The following LRRC7 variants were observed in gnomAD, a reference collection of about 807,000 sequenced individuals.
LRRC7 encodes the protein leucine-rich repeat-containing protein 7.
A neutral mutation model predicts 175.7 loss-of-function variants in LRRC7; 23 were observed. That is an observed-to-expected ratio of 0.13 (90% confidence interval 0.09 to 0.19). The LOEUF is 0.19. LRRC7 is among the 10% of genes least tolerant of loss of function. The probability of loss-of-function intolerance (pLI) is 1.00; values close to 1 mark genes in which losing one functional copy is unlikely to be tolerated. For synonymous variants in LRRC7, 685 were observed against 680.9 expected (o/e 1.01, Z -0.09); for missense variants, 1,354 against 1,904.7 (o/e 0.71, Z 5.38).
chr1:69,658,748 A>AATCAC (rs2100520366), intron 1 of LRRC7, among the ~76,000 whole-genome samples: 1 of 152,212 alleles, frequency 6.6e-6, no homozygotes, highest in Non-Finnish European at 1.5e-5. Context: ...GAATCAGAAG[A>AATCAC]ATCACATCGC....
In LRRC7 at chr1:69,640,387, T is replaced by C. The variant is rs575949926; in HGVS notation, c.3-37994T>C. Among the ~76,000 whole-genome samples, 48 of 151,832 alleles carry C rather than the reference T, an allele frequency of 3.2e-4. 1 individual carries two copies. The highest frequency in any genetic ancestry group is 1.7e-3 in the South Asian group (8 of 4,826). On this transcript the variant is annotated intron_variant, in intron 1 of 26. Coordinates refer to ENST00000651989, the MANE Select transcript of LRRC7 (RefSeq NM_001370785.2). ...AGTGTAAACTTTTTGACTTGTGTAA[T>C]AGATACTTTTTGACTTGTATAATAG... is the stretch of plus-strand genomic sequence containing the variant.
intron 1 of LRRC7, among the ~76,000 whole-genome samples, chr1:69,649,402 A>G (rs1449217945): frequency 6.6e-6 from 1 of 152,216 alleles, no homozygotes; most frequent in East Asian, 1.9e-4. Flanking sequence ...CCTAACCAAG[A>G]TTTTAAGCAG....
intron 8 of LRRC7, among the ~76,000 whole-genome samples, chr1:69,969,406 T>A (rs563471477): frequency 6.6e-6 from 1 of 152,126 alleles, no homozygotes; most frequent in South Asian, 2.1e-4. Flanking sequence ...ACATAAGGAC[T>A]CACATAAACT....
At chr1:69,764,231 A>G (rs1308187563) in intron 3 of LRRC7, among the ~76,000 whole-genome samples, 1 of 151,988 alleles carries the variant, frequency 6.6e-6, no homozygotes. Context: ...ATTTTGAATT[A>G]GGAACTTAAA....
At chr1:69,640,090 T>A (rs1395141559) in intron 1 of LRRC7, among the ~76,000 whole-genome samples, 1 of 151,702 alleles carries the variant, frequency 6.6e-6, no homozygotes, top group Non-Finnish European at 1.5e-5. Flanking sequence ...TTCTGGAGGA[T>A]TCCTAAATGT....
chr1:69,667,972 A>T (rs1164810147), intron 1 of LRRC7, among the ~76,000 whole-genome samples: 1 of 150,680 alleles, frequency 6.6e-6, no homozygotes, highest in Non-Finnish European at 1.5e-5. Context: ...TTGTGTACCC[A>T]TTGTATGTTT....
At chr1:70,016,424 C>G in intron 13 of LRRC7, 41 bp from the exon 14 acceptor site, 1 of 1,336,424 alleles carries the variant, frequency 7.5e-7, no homozygotes, top group Non-Finnish European at 1.0e-6. Flanking sequence ...GAACTATTAT[C>G]CATCTTTACC....
intron 1 of LRRC7, among the ~76,000 whole-genome samples, chr1:69,628,598 G>A (rs568887011): frequency 4.7e-4 from 72 of 152,142 alleles, no homozygotes; most frequent in Middle Eastern, 3.4e-3. Flanking sequence ...ATATCATCAC[G>A]TTCTTTTGTG....
chr1:69,602,600 C>T (rs1647122286), intron 1 of LRRC7, among the ~76,000 whole-genome samples: 1 of 152,064 alleles, frequency 6.6e-6, no homozygotes, highest in African/African-American at 2.4e-5. Flanking sequence ...TTGTCACAAA[C>T]TGGGTAGCTA....
At chr1:69,587,600 G>C (rs115736669) in intron 1 of LRRC7, among the ~76,000 whole-genome samples, 2,887 of 152,194 alleles carry the variant, frequency 0.019, 33 homozygotes, top group Middle Eastern at 0.034. Flanking sequence ...ACCACATCTC[G>C]TCTCAAATTG....
intron 10 of LRRC7, among the ~76,000 whole-genome samples, chr1:69,988,533 A>G (rs1388225511): frequency 2.0e-5 from 3 of 152,246 alleles, no homozygotes; most frequent in Non-Finnish European, 2.9e-5. Flanking sequence ...AACCACAAAC[A>G]GCAGCTGTAA....
chr1:69,909,050 TTG>T (rs1646426121), intron 7 of LRRC7, among the ~76,000 whole-genome samples: 1 of 151,772 alleles, frequency 6.6e-6, no homozygotes, highest in Admixed American at 6.6e-5. Context: ...CTTTTGATCT[TTG>T]TTGGTTTAAA....
chr1:69,894,553 T>C (rs1350806628), intron 7 of LRRC7, among the ~76,000 whole-genome samples: 1 of 152,198 alleles, frequency 6.6e-6, no homozygotes, highest in African/African-American at 2.4e-5. Flanking sequence ...ATACTTAACA[T>C]GTACAAATTC....
chr1:70,088,550 T>C (rs1420561034), intron 24 of LRRC7, among the ~76,000 whole-genome samples: 1 of 152,116 alleles, frequency 6.6e-6, no homozygotes, highest in Non-Finnish European at 1.5e-5. Context: ...TAAGACCTTG[T>C]CACTAAAATA....
chr1:69,817,718 G>A (rs1471198549), intron 4 of LRRC7, among the ~76,000 whole-genome samples: 1 of 152,046 alleles, frequency 6.6e-6, no homozygotes, highest in African/African-American at 2.4e-5. Flanking sequence ...ATTACTTTGG[G>A]TAGTGTGGAA....
At chr1:69,834,729 T>C in intron 5 of LRRC7, 51 bp from the exon 6 acceptor site, 1 of 1,362,718 alleles carries the variant, frequency 7.3e-7, no homozygotes, top group South Asian at 1.2e-5. Flanking sequence ...TTTTTTGTTC[T>C]GTTTCTATAG....
chr1:70,076,606 T>C (rs2102131298), intron 24 of LRRC7, among the ~76,000 whole-genome samples: 1 of 152,332 alleles, frequency 6.6e-6, no homozygotes, highest in East Asian at 1.9e-4. Flanking sequence ...ACAGTACAGA[T>C]TTTGAATGTT....
chr1:70,098,453 C>A, intron 25 of LRRC7, among the ~76,000 whole-genome samples: 1 of 147,054 alleles, frequency 6.8e-6, no homozygotes, highest in South Asian at 2.2e-4. Context: ...TAGCAGAAGG[C>A]AAGAATTAAC....
chr1:69,608,897 T>C (rs868758040), intron 1 of LRRC7, among the ~76,000 whole-genome samples: 2,767 of 118,096 alleles, frequency 0.023, 114 homozygotes, highest in African/African-American at 0.084. Context: ...TATATATATA[T>C]ATACACACAC....
Sources: allele counts gnomAD v4.1 joint callset (sites outside exome capture counted in the v4.1 genomes callset), GRCh38; gene constraint gnomAD v4.1.1; transcripts MANE v1.5; gene names NCBI Gene and HGNC (gene_info 2026-07-23, HGNC 2026-07-21).